Variants in MIPEP observed in about 807,000 individuals in gnomAD.
The protein encoded by MIPEP is mitochondrial intermediate peptidase.
Under a neutral mutation model 90.3 loss-of-function variants are expected in MIPEP, and 79 were observed. The observed-to-expected ratio is 0.87, with a 90% CI of 0.73 to 1.05. The LOEUF is 1.05. MIPEP is among the 50% of genes least tolerant of loss of function. The pLI, the probability that MIPEP is intolerant of heterozygous loss-of-function variation, is 0.00. For missense variants in MIPEP, 940 were observed against 905.6 expected, an observed-to-expected ratio of 1.04 and a Z score of -0.49; for synonymous variants, 334 against 315.8, an observed-to-expected ratio of 1.06 and a Z score of -0.61.
chr13:23,747,810 G>A (rs751659543), intron 18 of MIPEP, among the ~76,000 whole-genome samples: 5 of 152,102 alleles, frequency 3.3e-5, no homozygotes, highest in Non-Finnish European at 5.9e-5. Flanking sequence ...GTGTGATTTC[G>A]GCTCACCACA....
chr13:23,749,793 G>GCACT (rs1377509024), intron 18 of MIPEP, among the ~76,000 whole-genome samples: 1 of 152,036 alleles, frequency 6.6e-6, no homozygotes, highest in Non-Finnish European at 1.5e-5. Context: ...ACTGATCTTG[G>GCACT]CACTACCTGC....
intron 14 of MIPEP, among the ~76,000 whole-genome samples, chr13:23,823,130 T>A (rs1953328852): frequency 6.6e-6 from 1 of 152,094 alleles, no homozygotes; most frequent in East Asian, 1.9e-4. Flanking sequence ...AAAACAAAGA[T>A]GAGCAAACTT....
At chr13:23,798,221 G>A (rs1446164847) in intron 16 of MIPEP, among the ~76,000 whole-genome samples, 1 of 152,168 alleles carries the variant, frequency 6.6e-6, no homozygotes, top group African/African-American at 2.4e-5. Flanking sequence ...AAACAAAAGT[G>A]TGTTTGCTCT....
intron 12 of MIPEP, 61 bp downstream of exon 12, chr13:23,839,588 C>T: frequency 1.8e-6 from 2 of 1,104,834 alleles, no homozygotes; most frequent in Non-Finnish European, 2.6e-6. Context: ...ACAAAGTTCA[C>T]ATCAATACAA....
At chr13:23,740,245 G>C (rs1420759419) in intron 18 of MIPEP, among the ~76,000 whole-genome samples, 1 of 152,196 alleles carries the variant, frequency 6.6e-6, no homozygotes, top group Non-Finnish European at 1.5e-5. Flanking sequence ...GGCTCAGCCA[G>C]TGAGGGTGGC....
chr13:23,878,684 C>G (rs1292747806), intron 4 of MIPEP, among the ~76,000 whole-genome samples: 1 of 152,200 alleles, frequency 6.6e-6, no homozygotes, highest in Non-Finnish European at 1.5e-5. Flanking sequence ...ATCAAATATT[C>G]TAACATGTTG....
In MIPEP at chr13:23,730,335, T is replaced by G; in HGVS notation, c.*13A>C. 1 of 1,556,552 alleles carries G rather than the reference T, an allele frequency of 6.4e-7. No individual in the cohort carries two copies. On this transcript the variant is annotated 3_prime_UTR_variant, in exon 19 of 19. Transcript: ENST00000382172. ...CTACATGACCTTGATTTAAGAGGTG[T>G]AGAGTGTTTCTTTTATTCAGAATCC...
intron 14 of MIPEP, among the ~76,000 whole-genome samples, chr13:23,816,399 T>A (rs1764371108): frequency 6.6e-6 from 1 of 152,234 alleles, no homozygotes; most frequent in African/African-American, 2.4e-5. Context: ...TAATTTCTAC[T>A]GACCTAATCT....
chr13:23,889,116 C>T lies in MIPEP; in HGVS notation c.189+16G>A. 7.1e-7 allele frequency: 1 copy of T among 1,407,904 alleles called. No individual in the cohort carries two copies. The allele number at this position is 1,407,904 out of a possible 1,614,324, so 87.2% of individuals were successfully genotyped here. A position where few individuals can be genotyped will look rare whatever the true frequency, so the allele number is the denominator to read the frequency against. ...TTAGCTCGGGGACTGAGGGGAGCTC[C>T]TCCTGCGCCGCTCACCCGGCGCTCG... On this transcript the variant is annotated intron_variant, in intron 1 of 18. Transcript: ENST00000382172.
chr13:23,738,679 C>T lies in MIPEP; in HGVS notation c.2045-8234G>A, dbSNP rs561173821. 7.9e-5 allele frequency among the ~76,000 whole-genome samples: 12 copies of T among 151,902 alleles called. No individual in the cohort carries two copies. The East Asian group carries it at 1.5e-3, about 20-fold the overall frequency. On this transcript the variant is annotated intron_variant, in intron 18 of 18. Coordinates refer to ENST00000382172, the MANE Select transcript of MIPEP (RefSeq NM_005932.4). ...TTCAGGCTGGTCTCGAACTCCTGAGCTCAAGTGACCCAGCTACCTCAGCCT... is the reference window on the plus strand; with the variant it reads ...TTCAGGCTGGTCTCGAACTCCTGAGTTCAAGTGACCCAGCTACCTCAGCCT...
At chr13:23,886,732 C>G (rs1399465235) in intron 1 of MIPEP, among the ~76,000 whole-genome samples, 1 of 151,588 alleles carries the variant, frequency 6.6e-6, no homozygotes, top group Non-Finnish European at 1.5e-5. Context: ...AATTATTTTC[C>G]GGAAAAAACA....
chr13:23,864,075 C>A, intron 8 of MIPEP, 66 bp downstream of exon 8: 2 of 920,288 alleles, frequency 2.2e-6, no homozygotes, highest in South Asian at 1.7e-5. Context: ...TTTTATAAAT[C>A]AAGTCTTCTT....
At chr13:23,870,268 T>A in intron 5 of MIPEP, 73 bp from the exon 6 acceptor site, 1 of 998,028 alleles carries the variant, frequency 1.0e-6, no homozygotes, top group Non-Finnish European at 1.4e-6. Flanking sequence ...AAACAAAATA[T>A]AAATATGTCA....
At chr13:23,818,350 C>T (rs554400412) in intron 14 of MIPEP, among the ~76,000 whole-genome samples, 9 of 152,028 alleles carry the variant, frequency 5.9e-5, no homozygotes, top group African/African-American at 1.9e-4. Flanking sequence ...AACGCGAATG[C>T]GGGAGGTAGA....
intron 18 of MIPEP, among the ~76,000 whole-genome samples, chr13:23,741,032 T>C (rs1952322088): frequency 6.6e-6 from 1 of 152,204 alleles, no homozygotes; most frequent in Non-Finnish European, 1.5e-5. Flanking sequence ...CAATCAGGCA[T>C]GGCCAGTGCC....
chr13:23,865,499 T>C (rs1461434656), intron 7 of MIPEP, among the ~76,000 whole-genome samples: 4 of 152,216 alleles, frequency 2.6e-5, no homozygotes, highest in Non-Finnish European at 5.9e-5. Context: ...AAGACATTAT[T>C]TAGTCAACAA....
At chr13:23,751,293 A>G (rs1218547731) in intron 18 of MIPEP, among the ~76,000 whole-genome samples, 1 of 152,260 alleles carries the variant, frequency 6.6e-6, no homozygotes, top group East Asian at 1.9e-4. Flanking sequence ...TTGGCAGACT[A>G]TAAATAAAGC....
chr13:23,754,273 T>C (rs1565982338), intron 18 of MIPEP, among the ~76,000 whole-genome samples: 1 of 152,092 alleles, frequency 6.6e-6, no homozygotes, highest in Non-Finnish European at 1.5e-5. Flanking sequence ...CTACTATGGG[T>C]CTTAGCTTAC....
intron 16 of MIPEP, among the ~76,000 whole-genome samples, chr13:23,787,997 A>T (rs1952866058): frequency 6.6e-6 from 1 of 152,168 alleles, no homozygotes; most frequent in South Asian, 2.1e-4. Flanking sequence ...GAATGGCCAT[A>T]CCACTGGGAG....
Sources: gnomAD v4.1 joint callset for allele counts (sites outside exome capture counted in the v4.1 genomes callset) on GRCh38, gnomAD v4.1.1 for gene constraint, MANE v1.5 for transcripts, NCBI Gene and HGNC (gene_info 2026-07-23, HGNC 2026-07-21) for gene names.